NTN1: variants seen among roughly 807,000 people sequenced by gnomAD.
The protein encoded by NTN1 is netrin 1, also known as netrin-1.
A neutral mutation model predicts 54.2 loss-of-function variants in NTN1; 11 were observed. That is an observed-to-expected ratio of 0.20 (90% CI 0.13 to 0.34). NTN1 has a LOEUF of 0.34. Ranked by LOEUF, NTN1 falls within the 10% of genes least tolerant of loss-of-function variation. The pLI is 1.00. For missense variants in NTN1, 740 were observed against 893.1 expected (o/e 0.83, Z 2.18); for synonymous variants, 371 against 382.0 (o/e 0.97, Z 0.33).
chr17:9,074,560 C>T (rs772889194), intron 2 of NTN1, among the ~76,000 whole-genome samples: 2 of 152,036 alleles, frequency 1.3e-5, no homozygotes, highest in Non-Finnish European at 2.9e-5. Flanking sequence ...ACTCAACACG[C>T]CCAAGTAGAC....
the NTN1 span, among the ~76,000 whole-genome samples, chr17:9,013,846 C>T: frequency 3.3e-5 from 5 of 152,144 alleles, no homozygotes; most frequent in African/African-American, 1.2e-4. Context: ...GCCTGTCTTC[C>T]ATCCATGACA....
chr17:9,017,971 G>C (rs1267127556), upstream of NTN1, among the ~76,000 whole-genome samples: 1 of 152,138 alleles, frequency 6.6e-6, no homozygotes. Context: ...TAAAACTGAG[G>C]GATGATAGAG....
At chr17:9,047,609 T>G (rs2091945051) in intron 2 of NTN1, among the ~76,000 whole-genome samples, 2 of 152,182 alleles carry the variant, frequency 1.3e-5, no homozygotes, top group South Asian at 4.1e-4. Flanking sequence ...AGTTTTGAAC[T>G]CCTTAATGTT....
intron 5 of NTN1, among the ~76,000 whole-genome samples, chr17:9,200,882 C>G (rs8081505): frequency 0.011 from 1,650 of 152,236 alleles, 31 homozygotes; most frequent in African/African-American, 0.036. Flanking sequence ...TCAGCAGATA[C>G]CAACATAACC....
At chr17:9,121,715 G>A (rs2092232209) in intron 2 of NTN1, among the ~76,000 whole-genome samples, 1 of 152,146 alleles carries the variant, frequency 6.6e-6, no homozygotes, top group South Asian at 2.1e-4. Context: ...CCCAGGGGTG[G>A]CAGCTCTGGT....
intron 4 of NTN1, among the ~76,000 whole-genome samples, chr17:9,180,332 C>G (rs557546269): frequency 3.9e-5 from 6 of 152,356 alleles, no homozygotes; most frequent in Non-Finnish European, 8.8e-5. Flanking sequence ...AGCCACCGCG[C>G]CTGGCCCATT....
intron 3 of NTN1, among the ~76,000 whole-genome samples, chr17:9,178,498 C>T (rs774485761): frequency 7.2e-5 from 11 of 152,242 alleles, no homozygotes; most frequent in African/African-American, 9.6e-5. Context: ...CTCCTGGGCC[C>T]GAGGCCGGCT....
chr17:9,156,567 G>C (rs1369069830), intron 2 of NTN1, among the ~76,000 whole-genome samples: 1 of 152,200 alleles, frequency 6.6e-6, no homozygotes, highest in Non-Finnish European at 1.5e-5. Flanking sequence ...AAGTTCGCCA[G>C]GGTCTTTTGG....
At chr17:9,231,934 C>A (rs1038872949) in intron 6 of NTN1, among the ~76,000 whole-genome samples, 5 of 152,080 alleles carry the variant, frequency 3.3e-5, no homozygotes, top group Non-Finnish European at 5.9e-5. Context: ...CACTGCTCCA[C>A]CCTCCTACTG....
At chr17:9,004,182 C>G in the NTN1 span, among the ~76,000 whole-genome samples, 1 of 152,230 alleles carries the variant, frequency 6.6e-6, no homozygotes, top group Non-Finnish European at 1.5e-5. Flanking sequence ...TCCAAAACCC[C>G]CGAGGTTCGC....
chr17:9,180,853 T>C (rs2092417003), intron 4 of NTN1, among the ~76,000 whole-genome samples: 2 of 152,204 alleles, frequency 1.3e-5, no homozygotes, highest in Non-Finnish European at 2.9e-5. Context: ...CAGAGCAGGT[T>C]GAAATAGCTT....
chr17:9,168,863 G>T (rs150852992), intron 3 of NTN1, among the ~76,000 whole-genome samples: 20 of 152,254 alleles, frequency 1.3e-4, no homozygotes, highest in African/African-American at 4.6e-4. Flanking sequence ...CAGGGAAAAG[G>T]GTTGGTCATC....
intron 2 of NTN1, among the ~76,000 whole-genome samples, chr17:9,147,860 T>C (rs1018132177): frequency 2.2e-4 from 34 of 152,370 alleles, no homozygotes; most frequent in Admixed American, 2.2e-3. Context: ...CCTAGTGGTT[T>C]GATTAAAATA....
the NTN1 span, among the ~76,000 whole-genome samples, chr17:9,004,325 G>T: frequency 2.0e-5 from 3 of 152,244 alleles, no homozygotes; most frequent in African/African-American, 7.2e-5. Flanking sequence ...GACCTGCACA[G>T]ACTTTTTATT....
intron 2 of NTN1, among the ~76,000 whole-genome samples, chr17:9,066,466 A>G (rs1488135257): frequency 6.6e-6 from 1 of 151,374 alleles, no homozygotes; most frequent in South Asian, 2.1e-4. Flanking sequence ...GTCTCTACTA[A>G]AAATACAAAA....
At chr17:9,007,919 AT>A in the NTN1 span, among the ~76,000 whole-genome samples, 1 of 151,798 alleles carries the variant, frequency 6.6e-6, no homozygotes, top group Admixed American at 6.6e-5. Flanking sequence ...TATTCTTATT[AT>A]TTTTGTAGAG....
intron 3 of NTN1, among the ~76,000 whole-genome samples, chr17:9,170,739 T>G (rs951081210): frequency 1.3e-5 from 2 of 152,112 alleles, no homozygotes; most frequent in Non-Finnish European, 2.9e-5. Flanking sequence ...GGACTGGGAC[T>G]TAGGGCTGTT....
intron 2 of NTN1, among the ~76,000 whole-genome samples, chr17:9,105,696 GTCTC>G (rs995175694): frequency 8.6e-5 from 13 of 151,356 alleles, no homozygotes; most frequent in Non-Finnish European, 1.3e-4. Context: ...CTGTCTCTCT[GTCTC>G]TCTCTGTTTC....
At position 9,187,123 on chromosome 17, in the gene NTN1, A is replaced by T. The variant is rs183262812; in HGVS notation, c.1411+4154A>T. On this transcript the variant is annotated intron_variant, in intron 5 of 6. Transcript: ENST00000173229. ...GTTCAAAGTTCTTGATTAAAAAAAC[A>T]ATACATTGACATGAAAAATACAAAT... Among the ~76,000 whole-genome samples the T allele has an allele frequency of 1.6e-4, 25 of 152,272 alleles. No individual in the cohort carries two copies. The East Asian group carries it at 3.7e-3, about 22-fold the overall frequency.
Sources: allele counts gnomAD v4.1 joint callset (sites outside exome capture counted in the v4.1 genomes callset), GRCh38; gene constraint gnomAD v4.1.1; transcripts MANE v1.5; gene names NCBI Gene and HGNC (gene_info 2026-07-23, HGNC 2026-07-21).